Variants in SMARCAD1 observed in about 807,000 individuals in gnomAD.
SMARCAD1 encodes SWI/SNF-related matrix-associated actin-dependent regulator of chromatin subfamily A containing DEAD/H box 1.
In SMARCAD1, 25 loss-of-function variants were observed where a neutral mutation model predicts 127.1. The observed-to-expected ratio is 0.20, with a 90% CI of 0.14 to 0.27. SMARCAD1 has a LOEUF of 0.27. Ranked by LOEUF, SMARCAD1 falls within the 10% of genes least tolerant of loss-of-function variation. The pLI, the probability that SMARCAD1 is intolerant of heterozygous loss-of-function variation, is 1.00. For synonymous variants in SMARCAD1, 400 were observed against 396.9 expected (o/e 1.01, Z -0.09); for missense variants, 807 against 1,206.0 (o/e 0.67, Z 4.90).
chr4:94,264,968 ATT>A, intron 10 of SMARCAD1, 62 bp downstream of exon 10: 1 of 1,500,470 alleles, frequency 6.7e-7, no homozygotes, highest in Non-Finnish European at 9.1e-7. Flanking sequence ...ATCTGAATTT[ATT>A]TCTGTATCGT....
At chr4:94,238,028 A>G (rs1432519912) in intron 5 of SMARCAD1, among the ~76,000 whole-genome samples, 1 of 152,112 alleles carries the variant, frequency 6.6e-6, no homozygotes, top group Non-Finnish European at 1.5e-5. Context: ...TCTTACTACT[A>G]TTAATTTTTT....
Position 94,274,983 on chromosome 4 carries a change from T to C in SMARCAD1, c.1808+18T>C, listed in dbSNP as rs1237680090. 10 of 1,542,276 alleles carry C rather than the reference T, an allele frequency of 6.5e-6. No individual in the cohort carries two copies. The highest frequency in any genetic ancestry group is 8.1e-6 in the Non-Finnish European group (9 of 1,116,468). Reference sequence around the variant, plus strand: ...GTGACCACGTAAGTATTGAGAAATTTGGGGAGGATGGATATTTATGCAGCC... The same window carrying C: ...GTGACCACGTAAGTATTGAGAAATTCGGGGAGGATGGATATTTATGCAGCC... On this transcript the variant is annotated intron_variant, in intron 14 of 23. Transcript: ENST00000354268.
chr4:94,266,794 A>G (rs1751790281), intron 10 of SMARCAD1, among the ~76,000 whole-genome samples: 1 of 152,142 alleles, frequency 6.6e-6, no homozygotes, highest in Admixed American at 6.6e-5. Context: ...ACTGTTGCAA[A>G]TTTATGTGAA....
intron 2 of SMARCAD1, among the ~76,000 whole-genome samples, chr4:94,216,663 T>C (rs1308744765): frequency 6.6e-6 from 1 of 152,222 alleles, no homozygotes; most frequent in Admixed American, 6.5e-5. Context: ...ACGTTGTCTT[T>C]TTATGAATTT....
intron 23 of SMARCAD1, among the ~76,000 whole-genome samples, chr4:94,285,684 C>G (rs990551646): frequency 7.2e-5 from 11 of 152,084 alleles, no homozygotes; most frequent in African/African-American, 1.2e-4. Flanking sequence ...GAGAGAAGTG[C>G]GTATGATCAA....
At chr4:94,262,481 C>G (rs1332041689) in intron 9 of SMARCAD1, among the ~76,000 whole-genome samples, 1 of 152,160 alleles carries the variant, frequency 6.6e-6, no homozygotes, top group African/African-American at 2.4e-5. Flanking sequence ...GCTCTCAAGC[C>G]TTCTTCACAT....
intron 18 of SMARCAD1, 49 bp from the exon 19 acceptor site, chr4:94,278,880 C>T: frequency 6.2e-7 from 1 of 1,610,410 alleles, no homozygotes; most frequent in Non-Finnish European, 8.5e-7. Flanking sequence ...TATATTTCAA[C>T]AGTTATCCGC....
At chr4:94,261,083 C>A (rs932076043) in intron 9 of SMARCAD1, among the ~76,000 whole-genome samples, 8 of 151,590 alleles carry the variant, frequency 5.3e-5, no homozygotes, top group Admixed American at 4.6e-4. Context: ...TTCAGAGTTA[C>A]CTCTCGTGTA....
At chr4:94,271,965 AC>A (rs139681034) in intron 11 of SMARCAD1, among the ~76,000 whole-genome samples, 1,721 of 152,354 alleles carry the variant, frequency 0.011, 35 homozygotes, top group African/African-American at 0.039. Context: ...CATTGCCATA[AC>A]AAAATACCAC....
At chr4:94,228,818 CTCTTTAAACTCA>C (rs1745402156) in intron 3 of SMARCAD1, among the ~76,000 whole-genome samples, 3 of 152,004 alleles carry the variant, frequency 2.0e-5, no homozygotes, top group Non-Finnish European at 2.9e-5. Context: ...TTTGTCATAT[CTCTTTAAACTCA>C]TTTAATCTGA....
chr4:94,273,658 C>T lies in SMARCAD1; in HGVS notation c.1614C>T (p.Tyr538=), dbSNP rs1227277222. 1 of 1,613,814 alleles carries T rather than the reference C, an allele frequency of 6.2e-7. No homozygotes were observed. The highest frequency in any genetic ancestry group is 8.5e-7 in the Non-Finnish European group (1 of 1,179,878). ...TTCAAGCCATTGCATTTCTGGCATA[C>T]CTCTATCAGGAGGGTAATAATGGTC... is the stretch of plus-strand genomic sequence containing the variant. ...KTIQAIAFLA[Y]LYQEGNNGPH... is the part of the protein sequence containing the mutation. The change falls in exon 12 of 24, where the codon TAC becomes TAT. Residue 538 remains tyrosine (Y), a synonymous_variant. Coordinates refer to ENST00000354268, the MANE Select transcript of SMARCAD1 (RefSeq NM_020159.5).
intron 9 of SMARCAD1, among the ~76,000 whole-genome samples, chr4:94,257,544 T>TG (rs1042148020): frequency 2.0e-5 from 3 of 152,014 alleles, no homozygotes; most frequent in Non-Finnish European, 4.4e-5. Context: ...CAGTAGAGTG[T>TG]TCTTACATCT....
At chr4:94,245,888 A>G (rs1170503548) in intron 6 of SMARCAD1, among the ~76,000 whole-genome samples, 1 of 152,204 alleles carries the variant, frequency 6.6e-6, no homozygotes, top group Admixed American at 6.6e-5. Context: ...AGCAAAACTG[A>G]CTGTGGTCAG....
intron 4 of SMARCAD1, 32 bp from the exon 5 acceptor site, chr4:94,236,920 T>A (rs376036975): frequency 1.3e-6 from 2 of 1,556,664 alleles, no homozygotes; most frequent in Non-Finnish European, 1.8e-6. Flanking sequence ...AAAGTGCTGA[T>A]TTAAAACATT....
In SMARCAD1 at chr4:94,233,498, A is replaced by T. The variant is rs905599850; in HGVS notation, c.369-456A>T. ...GGCAGAGATTCCTATATTCAATGGG[A>T]CCATTCTGATTTTAGCAGTTAGATC... On this transcript the variant is annotated intron_variant, in intron 3 of 23. Transcript: ENST00000354268. Among the ~76,000 whole-genome samples the T allele has an allele frequency of 2.6e-5, 4 of 152,302 alleles. No homozygotes were observed. The South Asian group carries it at 8.3e-4, about 32-fold the overall frequency.
At position 94,289,873 on chromosome 4, in the gene SMARCAD1, AATAT is replaced by A. The variant is rs775519810; in HGVS notation, c.*348_*351del. 1 of 462,846 alleles carries A rather than the reference AATAT, an allele frequency of 2.2e-6. No individual in the cohort carries two copies. The highest frequency in any genetic ancestry group is 4.3e-6 in the Non-Finnish European group (1 of 233,840). The allele number at this position is 462,846 out of a possible 1,614,324, so 28.7% of individuals were successfully genotyped here. On this transcript the variant is annotated 3_prime_UTR_variant, in exon 24 of 24. Transcript: ENST00000354268. ...ATTTTTGTAATTATTTCTACCTCCAAATATATATATATTGTCTTTCACTGGATAA... is the reference window on the plus strand; with the variant it reads ...ATTTTTGTAATTATTTCTACCTCCAAATATATATTGTCTTTCACTGGATAA...
chr4:94,241,254 A>T (rs1372957708), intron 6 of SMARCAD1, among the ~76,000 whole-genome samples: 1 of 152,208 alleles, frequency 6.6e-6, no homozygotes, highest in Non-Finnish European at 1.5e-5. Flanking sequence ...TAAATGAATC[A>T]TTCTTTCTTT....
At chr4:94,269,802 G>A (rs1032145247) in intron 10 of SMARCAD1, among the ~76,000 whole-genome samples, 5 of 151,914 alleles carry the variant, frequency 3.3e-5, no homozygotes, top group African/African-American at 1.2e-4. Context: ...CTGAGTAGCT[G>A]GGACTACAAG....
chr4:94,234,244 A>T, intron 4 of SMARCAD1, 122 bp downstream of exon 4: 1 of 900,698 alleles, frequency 1.1e-6, no homozygotes, highest in Non-Finnish European at 1.7e-6. Context: ...ATTAACTATT[A>T]AATCTAAAGG....
Sources: allele counts gnomAD v4.1 joint callset (sites outside exome capture counted in the v4.1 genomes callset), GRCh38; gene constraint gnomAD v4.1.1; transcripts MANE v1.5; gene names NCBI Gene and HGNC (gene_info 2026-07-23, HGNC 2026-07-21).